CCNY: variants seen among roughly 807,000 people sequenced by gnomAD.
CCNY encodes cyclin Y, also known as cyclin-Y.
CCNY carries 19 observed loss-of-function variants against 42.8 expected under a neutral mutation model. The observed-to-expected ratio is 0.44, with a 90% CI of 0.31 to 0.65. CCNY has a LOEUF of 0.65. CCNY is among the 30% of genes least tolerant of loss of function. The probability of loss-of-function intolerance (pLI) is 0.07; values close to 1 mark genes in which losing one functional copy is unlikely to be tolerated. For missense variants in CCNY, 370 were observed against 437.3 expected (o/e 0.85, Z 1.37); for synonymous variants, 165 against 162.7 (o/e 1.01, Z -0.11).
At chr10:35,498,541 A>G (rs1191778489) in intron 2 of CCNY, among the ~76,000 whole-genome samples, 3 of 152,142 alleles carry the variant, frequency 2.0e-5, no homozygotes, top group African/African-American at 7.2e-5. Context: ...CCCTTTGAGT[A>G]TGTCCCAACT....
chr10:35,508,814 G>C (rs1564439585), intron 3 of CCNY, among the ~76,000 whole-genome samples: 1 of 152,118 alleles, frequency 6.6e-6, no homozygotes, highest in African/African-American at 2.4e-5. Flanking sequence ...GTGGTTTTTA[G>C]TGTAACCACA....
At chr10:35,312,484 C>T (rs1436369420) in intron 3 of CCNY, among the ~76,000 whole-genome samples, 1 of 151,870 alleles carries the variant, frequency 6.6e-6, no homozygotes, top group African/African-American at 2.4e-5. Context: ...CACTATGGTG[C>T]CCTCACACCC....
chr10:35,421,259 A>G (rs991339703), intron 1 of CCNY, among the ~76,000 whole-genome samples: 2 of 152,172 alleles, frequency 1.3e-5, no homozygotes, highest in Admixed American at 6.5e-5. Flanking sequence ...TCCTGGTTTC[A>G]GGGCCCTTTT....
chr10:35,348,644 TAGCAGGGCTCTGAAAGCCC>T (rs1010884774), intron 1 of CCNY, among the ~76,000 whole-genome samples: 1 of 152,156 alleles, frequency 6.6e-6, no homozygotes, highest in Non-Finnish European at 1.5e-5. Flanking sequence ...CATTGCAAGA[TAGCAGGGCTCTGAAAGCCC>T]GGCAGGGCCC....
At chr10:35,309,656 A>G (rs562284148) in intron 3 of CCNY, among the ~76,000 whole-genome samples, 4 of 152,192 alleles carry the variant, frequency 2.6e-5, no homozygotes, top group African/African-American at 7.2e-5. Flanking sequence ...CCTCGGCTCA[A>G]GTGATTCTCC....
At chr10:35,322,884 G>A (rs529083448) in intron 3 of CCNY, among the ~76,000 whole-genome samples, 76 of 152,214 alleles carry the variant, frequency 5.0e-4, no homozygotes, top group African/African-American at 9.1e-4. Context: ...TAACTTTACC[G>A]GTAGGATGTA....
chr10:35,350,305 T>C (rs766070575), intron 1 of CCNY, among the ~76,000 whole-genome samples: 4 of 152,236 alleles, frequency 2.6e-5, no homozygotes, highest in Non-Finnish European at 5.9e-5. Flanking sequence ...AGTAAATTTT[T>C]CTTCTTTTAT....
At chr10:35,414,167 A>G (rs902846360) in intron 1 of CCNY, among the ~76,000 whole-genome samples, 1 of 152,220 alleles carries the variant, frequency 6.6e-6, no homozygotes, top group African/African-American at 2.4e-5. Context: ...TCTGTGGGGC[A>G]TGAGTCGGAG....
chr10:35,449,735 G>A (rs972614319), intron 1 of CCNY: 1 of 985,144 alleles, frequency 1.0e-6, no homozygotes, highest in Admixed American at 6.1e-5. Flanking sequence ...AGGGAGCAGA[G>A]ATGGCAGGGT....
chr10:35,423,267 G>C (rs1443047375), intron 1 of CCNY, among the ~76,000 whole-genome samples: 1 of 152,032 alleles, frequency 6.6e-6, no homozygotes, highest in East Asian at 1.9e-4. Flanking sequence ...TTGAGCCTAG[G>C]TGTTCGAGAC....
At chr10:35,439,273 T>C (rs1156758152) in intron 1 of CCNY, among the ~76,000 whole-genome samples, 5 of 152,198 alleles carry the variant, frequency 3.3e-5, no homozygotes, top group Non-Finnish European at 7.3e-5. Flanking sequence ...CACAAGTCCC[T>C]GTGGCTCTAT....
intron 7 of CCNY, among the ~76,000 whole-genome samples, chr10:35,531,736 T>A (rs1840774701): frequency 6.6e-6 from 1 of 152,208 alleles, no homozygotes. Context: ...TGGCGGGGAT[T>A]TTTTCTACCT....
chr10:35,473,868 A>G (rs1377652993), intron 1 of CCNY, among the ~76,000 whole-genome samples: 2 of 152,148 alleles, frequency 1.3e-5, no homozygotes, highest in African/African-American at 4.8e-5. Flanking sequence ...TGATTTCTGC[A>G]TTTCCATCTG....
intron 1 of CCNY, among the ~76,000 whole-genome samples, chr10:35,472,679 T>G (rs112621944): frequency 0.01 from 1,579 of 152,314 alleles, 23 homozygotes; most frequent in African/African-American, 0.036. Flanking sequence ...ACTCGTGACA[T>G]CTAATGAAAT....
intron 4 of CCNY, among the ~76,000 whole-genome samples, chr10:35,519,313 T>A (rs1195742958): frequency 1.4e-5 from 2 of 143,206 alleles, no homozygotes; most frequent in Admixed American, 7.0e-5. Flanking sequence ...GCTGAGGCAT[T>A]CTCTGGGTAT....
At chr10:35,283,190 T>C (rs1280230006) in intron 3 of CCNY, among the ~76,000 whole-genome samples, 2 of 152,174 alleles carry the variant, frequency 1.3e-5, no homozygotes, top group South Asian at 4.1e-4. Flanking sequence ...TTGATGACAC[T>C]AGATGATAAA....
chr10:35,356,790 T>G (rs1836559824), intron 1 of CCNY, among the ~76,000 whole-genome samples: 1 of 152,206 alleles, frequency 6.6e-6, no homozygotes, highest in African/African-American at 2.4e-5. Context: ...CTCTTAAAAC[T>G]ATTCTTTCTT....
intron 1 of CCNY, among the ~76,000 whole-genome samples, chr10:35,373,695 C>T (rs896941416): frequency 7.9e-5 from 12 of 152,142 alleles, no homozygotes; most frequent in African/African-American, 2.7e-4. Flanking sequence ...ATTTTCCCTT[C>T]CTTATGATTT....
At chr10:35,292,133 A>C (rs1185484530) in intron 3 of CCNY, among the ~76,000 whole-genome samples, 4 of 152,172 alleles carry the variant, frequency 2.6e-5, no homozygotes, top group African/African-American at 4.8e-5. Context: ...GCATCTTTTC[A>C]TGGTTTATTG....
Sources: allele counts gnomAD v4.1 joint callset (sites outside exome capture counted in the v4.1 genomes callset), GRCh38; gene constraint gnomAD v4.1.1; transcripts MANE v1.5; gene names NCBI Gene and HGNC (gene_info 2026-07-23, HGNC 2026-07-21).